Variants in CNGB3 observed in about 807,000 individuals in gnomAD.
CNGB3 encodes cyclic nucleotide gated channel subunit beta 3, also known as cyclic nucleotide-gated channel beta-3.
CNGB3 carries 86 observed loss-of-function variants against 92.8 expected under a neutral mutation model. The ratio of observed to expected loss-of-function variants is 0.93; its 90% confidence interval spans 0.78 to 1.11. The LOEUF is 1.11. Among genes scored for constraint, CNGB3 ranks in the 50% least tolerant of loss-of-function variants. The probability of loss-of-function intolerance (pLI) is 0.00; values close to 1 mark genes in which losing one functional copy is unlikely to be tolerated. For missense variants in CNGB3, 1,026 were observed against 956.8 expected (o/e 1.07, Z -0.95); for synonymous variants, 333 against 332.7 (o/e 1.00, Z -0.01).
At chr8:86,660,000 C>T in intron 6 of CNGB3, 9 of 348,822 alleles carry the variant, frequency 2.6e-5, no homozygotes, top group South Asian at 2.3e-4. Flanking sequence ...GGACCAATGT[C>T]AGCATCATGA....
intron 3 of CNGB3, among the ~76,000 whole-genome samples, chr8:86,713,008 A>G (rs1231436226): frequency 6.6e-6 from 1 of 152,188 alleles, no homozygotes; most frequent in East Asian, 1.9e-4. Context: ...CCTGAAACAG[A>G]AAGGCAAAAA....
Position 86,611,644 on chromosome 8 carries a change from T to G in CNGB3, c.1606A>C (p.Met536Leu). ...KGCDTQMIYD[M>L]LLRLKSVLYL... ...AGAACGGATTTCAATCTTAGCAACA[T>G]GTCATAAATCATCTGTGTATCACAA... The change falls in exon 14 of 18, where the codon ATG becomes CTG. Residue 536 changes from methionine (M) to leucine (L), a missense_variant. By Grantham distance (15) the Met-to-Leu change is conservative (BLOSUM62 2). Transcript: ENST00000320005. 6.2e-7 allele frequency: 1 copy of G among 1,613,278 alleles called. No homozygotes were observed. The highest frequency in any genetic ancestry group is 1.3e-5 in the African/African-American group (1 of 74,986).
Position 86,653,993 on chromosome 8 carries a change from G to C in CNGB3, c.903+19C>G, listed in dbSNP as rs1056719661. On this transcript the variant is annotated intron_variant, in intron 7 of 17. Coordinates refer to ENST00000320005, the MANE Select transcript of CNGB3 (RefSeq NM_019098.5). ...GGTAATAGATCACGTGAGCAACTTT[G>C]AAATTGTTTGTCACCTACCTGAAAT... 7 of 1,547,520 alleles carry C rather than the reference G, an allele frequency of 4.5e-6. No individual in the cohort carries two copies. Among genetic ancestry groups the C allele is most frequent in the Non-Finnish European group, 6.3e-6 (7 of 1,119,732 alleles).
At position 86,575,683 on chromosome 8, in the gene CNGB3, G is replaced by A; in HGVS notation, c.*121C>T. 1.3e-6 allele frequency: 1 copy of A among 768,090 alleles called. No individual in the cohort carries two copies. 47.6% of individuals were successfully genotyped at this position (768,090 alleles called of 1,614,324 possible). A position where few individuals can be genotyped will look rare whatever the true frequency, so the allele number is the denominator to read the frequency against. Reference sequence around the variant, plus strand: ...AGATAAGTCCTAGAAACTAAGCTAGGGATTTGCCTTTCGTTTCTCAAGGGT... The same window carrying A: ...AGATAAGTCCTAGAAACTAAGCTAGAGATTTGCCTTTCGTTTCTCAAGGGT... On this transcript the variant is annotated 3_prime_UTR_variant, in exon 18 of 18. Transcript: ENST00000320005.
intron 14 of CNGB3, among the ~76,000 whole-genome samples, chr8:86,610,496 T>A (rs180858322): frequency 3.3e-4 from 51 of 152,240 alleles, no homozygotes; most frequent in Admixed American, 7.2e-4. Flanking sequence ...AAGACTTAGC[T>A]CAGACATCAT....
intron 3 of CNGB3, among the ~76,000 whole-genome samples, chr8:86,720,384 A>G (rs1354373029): frequency 6.6e-6 from 1 of 152,248 alleles, no homozygotes; most frequent in African/African-American, 2.4e-5. Flanking sequence ...AATGGCCAAC[A>G]AGCATATGGA....
intron 3 of CNGB3, among the ~76,000 whole-genome samples, chr8:86,726,042 C>T (rs1825055836): frequency 6.6e-6 from 1 of 152,122 alleles, no homozygotes; most frequent in Non-Finnish European, 1.5e-5. Context: ...TGTGTTCCTT[C>T]AGTGGCATAA....
chr8:86,589,209 T>G (rs1376743199), intron 15 of CNGB3, among the ~76,000 whole-genome samples: 1 of 150,480 alleles, frequency 6.6e-6, no homozygotes, highest in Non-Finnish European at 1.5e-5. Context: ...TTTTATTGTG[T>G]CTATTTGATT....
At position 86,677,063 on chromosome 8, in the gene CNGB3, G is replaced by A. The variant is rs902786250; in HGVS notation, c.339-5965C>T. ...TGTGACAACAGTGGCAGAAATTGGA[G>A]CACTACATTGCTAAGTCAGAAAACA... On this transcript the variant is annotated intron_variant, in intron 3 of 17. Transcript: ENST00000320005. Among the ~76,000 whole-genome samples the A allele has an allele frequency of 5.9e-5, 9 of 152,172 alleles. No individual in the cohort carries two copies. In the South Asian group the frequency reaches 1.9e-3, roughly 31 times the overall value.
chr8:86,625,985 TGA>T lies in CNGB3; in HGVS notation c.1574_1575del (p.Phe525Ter), dbSNP rs749179501. The T allele has an allele frequency of 1.2e-6, 2 of 1,612,700 alleles. No individual in the cohort carries two copies. The highest frequency in any genetic ancestry group is 2.2e-5 in the South Asian group (2 of 90,992). ...CTATTAATTGTAAAAGCACTTGCCT[TGA>T]ACAAGTCGACTTTGCTGATGATGCT... Reference protein sequence around the residue: ...NFSIISKVDLFKGCDTQMIYD... With the variant: ...NFSIISKVDLXKGCDTQMIYD... On this transcript the variant is annotated frameshift_variant, in exon 13 of 18. Coordinates refer to ENST00000320005, the MANE Select transcript of CNGB3 (RefSeq NM_019098.5). LOFTEE classifies it high-confidence loss of function.
intron 10 of CNGB3, among the ~76,000 whole-genome samples, chr8:86,639,740 A>C (rs1823144237): frequency 6.6e-6 from 1 of 152,154 alleles, no homozygotes; most frequent in South Asian, 2.1e-4. Context: ...GACATATGCA[A>C]ATTATCTAAA....
intron 3 of CNGB3, among the ~76,000 whole-genome samples, chr8:86,711,976 C>T (rs966942461): frequency 1.1e-4 from 16 of 151,902 alleles, no homozygotes; most frequent in African/African-American, 3.9e-4. Flanking sequence ...ACCAGGATCA[C>T]TGTTTTACTT....
chr8:86,722,081 T>C (rs1042062373), intron 3 of CNGB3, among the ~76,000 whole-genome samples: 4 of 152,242 alleles, frequency 2.6e-5, no homozygotes, highest in East Asian at 1.9e-4. Flanking sequence ...CCATATACTA[T>C]AGTGTAAAAG....
intron 15 of CNGB3, among the ~76,000 whole-genome samples, chr8:86,602,153 T>G (rs1348947869): frequency 6.6e-6 from 1 of 152,150 alleles, no homozygotes; most frequent in Non-Finnish European, 1.5e-5. Flanking sequence ...GATTATTAAG[T>G]CACAAAATAT....
At chr8:86,651,157 A>T (rs548941922) in intron 7 of CNGB3, among the ~76,000 whole-genome samples, 18 of 148,500 alleles carry the variant, frequency 1.2e-4, no homozygotes, top group African/African-American at 4.2e-4. Context: ...GAAGACCAGA[A>T]GGGGGGGTGT....
At chr8:86,732,918 T>G (rs1825180870) in intron 2 of CNGB3, among the ~76,000 whole-genome samples, 1 of 152,224 alleles carries the variant, frequency 6.6e-6, no homozygotes, top group Non-Finnish European at 1.5e-5. Flanking sequence ...ATTCAGGGGA[T>G]GCATGTGTGT....
At chr8:86,627,350 G>A (rs952603732) in intron 12 of CNGB3, among the ~76,000 whole-genome samples, 1 of 152,096 alleles carries the variant, frequency 6.6e-6, no homozygotes, top group Non-Finnish European at 1.5e-5. Context: ...CACTTCAGAT[G>A]CCTTCAAGTA....
intron 3 of CNGB3, among the ~76,000 whole-genome samples, chr8:86,689,542 A>AT (rs998895225): frequency 6.7e-6 from 1 of 149,196 alleles, no homozygotes; most frequent in Non-Finnish European, 1.5e-5. Context: ...TTATTTCTTT[A>AT]TTTTTTTATT....
chr8:86,671,155 G>C, intron 3 of CNGB3, 57 bp from the exon 4 acceptor site: 1 of 1,578,592 alleles, frequency 6.3e-7, no homozygotes, highest in Non-Finnish European at 8.7e-7. Flanking sequence ...AGATATAAGG[G>C]AAAGATTAAA....
Sources: allele counts gnomAD v4.1 joint callset (sites outside exome capture counted in the v4.1 genomes callset), GRCh38; gene constraint gnomAD v4.1.1; transcripts MANE v1.5; gene names NCBI Gene and HGNC (gene_info 2026-07-23, HGNC 2026-07-21).